Variants in DIP2B observed in about 807,000 individuals in gnomAD.
DIP2B encodes DIP2 acetate--CoA ligase B (putative), also known as disco-interacting protein 2 homolog B.
A neutral mutation model predicts 198.0 loss-of-function variants in DIP2B; 76 were observed. The ratio of observed to expected loss-of-function variants is 0.38; its 90% CI spans 0.32 to 0.46. The LOEUF is 0.46. Among genes scored for constraint, DIP2B ranks in the 20% least tolerant of loss-of-function variants. DIP2B has a pLI of 0.99. For synonymous variants in DIP2B, 701 were observed against 739.1 expected (o/e 0.95, Z 0.84); for missense variants, 1,559 against 1,978.4 (o/e 0.79, Z 4.02).
At chr12:50,631,522 G>A (rs1009153346) in intron 2 of DIP2B, among the ~76,000 whole-genome samples, 1 of 151,994 alleles carries the variant, frequency 6.6e-6, no homozygotes, top group East Asian at 1.9e-4. Flanking sequence ...ACCGTGCCCG[G>A]CCCTGATTCA....
intron 1 of DIP2B, among the ~76,000 whole-genome samples, chr12:50,572,911 C>A (rs1297369807): frequency 1.3e-5 from 2 of 152,196 alleles, no homozygotes; most frequent in Non-Finnish European, 2.9e-5. Context: ...CAGATCTGAG[C>A]AGCTCTAGGA....
intron 1 of DIP2B, among the ~76,000 whole-genome samples, chr12:50,606,614 CA>C (rs1239789365): frequency 2.6e-5 from 4 of 152,022 alleles, no homozygotes; most frequent in Non-Finnish European, 5.9e-5. Flanking sequence ...TCACTCATTC[CA>C]AAAAGGCATA....
chr12:50,640,654 C>T, intron 2 of DIP2B, 70 bp from the exon 3 acceptor site: 13 of 1,558,160 alleles, frequency 8.3e-6, no homozygotes, highest in Non-Finnish European at 1.1e-5. Flanking sequence ...TGTGAGAATG[C>T]TTAAAGTGCT....
chr12:50,694,625 G>T (rs1320602854), intron 14 of DIP2B, among the ~76,000 whole-genome samples: 1 of 149,540 alleles, frequency 6.7e-6, no homozygotes, highest in Non-Finnish European at 1.5e-5. Context: ...TTGGAGGCCA[G>T]CCTGGGCAAC....
intron 1 of DIP2B, among the ~76,000 whole-genome samples, chr12:50,603,949 T>C (rs1287724046): frequency 6.6e-6 from 1 of 152,104 alleles, no homozygotes; most frequent in Non-Finnish European, 1.5e-5. Context: ...ATGGCCTGGT[T>C]CCAGGCCTTG....
rs958895365 is a variant in DIP2B at position 50,695,457 on chromosome 12, T to G, written c.1813+97T>G. On this transcript the variant is annotated intron_variant, in intron 15 of 37. Coordinates refer to ENST00000301180, the MANE Select transcript of DIP2B (RefSeq NM_173602.3). ...TTCAAATTGCCCTTGTATGCCCCTG[T>G]CCCTTAACAAATTGTAGAGTTTAGT... 112 of 1,131,058 alleles carry G rather than the reference T, an allele frequency of 9.9e-5. No homozygotes were observed. The African/African-American group carries it at 1.6e-3, about 16-fold the overall frequency. 70.1% of individuals were successfully genotyped at this position (1,131,058 alleles called of 1,614,324 possible). A position where few individuals can be genotyped will look rare whatever the true frequency, so the allele number is the denominator to read the frequency against.
intron 34 of DIP2B, 150 bp downstream of exon 34, chr12:50,735,280 T>A (rs1940116751): frequency 1.3e-6 from 1 of 783,874 alleles, no homozygotes; most frequent in South Asian, 1.7e-5. Flanking sequence ...ACTTTCAAAT[T>A]CATATGGGTA....
At position 50,735,089 on chromosome 12, in the gene DIP2B, C is replaced by T. The variant is rs758508881; in HGVS notation, c.4060C>T (p.Arg1354Cys). ...CTTCTGCAGGGTTCGTCTCGTGGAA[C>T]GTGGCGCCCCTCAGAGTTTGCTTCT... ...LRHDRVRLVE[R>C]GAPQSLLLSE... The change falls in exon 34 of 38, where the codon CGT (arginine) becomes TGT (cysteine). Residue 1354 changes from arginine to cysteine, a missense_variant. Physicochemically the swap from Arg to Cys is radical, Grantham distance 180 (BLOSUM62 -3). Transcript: ENST00000301180. 3 of 1,613,988 alleles carry T rather than the reference C, an allele frequency of 1.9e-6. No homozygotes were observed. Among genetic ancestry groups the T allele is most frequent in the Non-Finnish European group, 2.5e-6 (3 of 1,180,034 alleles).
Position 50,706,644 on chromosome 12 carries a change from TAA to T in DIP2B, c.2515_2516del (p.Lys839AspfsTer4). ...GCTACTGGATTGGCTGTAGAATCAA[TAA>T]AGACTGTTTATAGAGGAAGGTGAGT... is the stretch of plus-strand genomic sequence containing the variant. On this transcript the variant is annotated frameshift_variant, in exon 21 of 38. Transcript: ENST00000301180. LOFTEE classifies it high-confidence loss of function. 4.3e-6 allele frequency: 7 copies of T among 1,614,066 alleles called. No individual in the cohort carries two copies. The highest frequency in any genetic ancestry group is 5.9e-6 in the Non-Finnish European group (7 of 1,179,968).
At chr12:50,545,275 TC>T in intron 1 of DIP2B, among the ~76,000 whole-genome samples, 1 of 152,176 alleles carries the variant, frequency 6.6e-6, no homozygotes, top group Admixed American at 6.6e-5. Flanking sequence ...TTCCATTTCT[TC>T]CTGTACTTAC....
At position 50,714,378 on chromosome 12, in the gene DIP2B, T is replaced by C; in HGVS notation, c.2650-17T>C. On this transcript the variant is annotated splice_polypyrimidine_tract_variant and intron_variant, in intron 22 of 37. Coordinates refer to ENST00000301180, the MANE Select transcript of DIP2B (RefSeq NM_173602.3). Reference sequence around the variant, plus strand: ...TAGAAGTGATCTCACTGAGTATTTTTGTTTGTATTTTTCTAGGCGATCGAT... The same window carrying C: ...TAGAAGTGATCTCACTGAGTATTTTCGTTTGTATTTTTCTAGGCGATCGAT... 6.2e-7 allele frequency: 1 copy of C among 1,614,132 alleles called. No homozygotes were observed.
chr12:50,533,322 T>C (rs1377598728), intron 1 of DIP2B, among the ~76,000 whole-genome samples: 1 of 152,210 alleles, frequency 6.6e-6, no homozygotes, highest in African/African-American at 2.4e-5. Flanking sequence ...TAGTCTTCAG[T>C]TGAAATTAAA....
At chr12:50,659,676 A>G (rs147311933) in intron 3 of DIP2B, among the ~76,000 whole-genome samples, 82 of 152,278 alleles carry the variant, frequency 5.4e-4, no homozygotes, top group African/African-American at 1.9e-3. Context: ...ATCTGCCCTT[A>G]TGTTTTTCTA....
At chr12:50,538,969 G>A (rs1178499332) in intron 1 of DIP2B, among the ~76,000 whole-genome samples, 1 of 151,862 alleles carries the variant, frequency 6.6e-6, no homozygotes, top group East Asian at 1.9e-4. Context: ...ACTTTAAATT[G>A]TCATTTTTCT....
At chr12:50,744,177 T>C (rs1359407767) in intron 37 of DIP2B, among the ~76,000 whole-genome samples, 2 of 152,162 alleles carry the variant, frequency 1.3e-5, no homozygotes, top group Non-Finnish European at 2.9e-5. Flanking sequence ...AATTTTTGTA[T>C]TTTTAGTAGA....
intron 17 of DIP2B, 90 bp from the exon 18 acceptor site, chr12:50,698,238 T>C: frequency 6.8e-7 from 1 of 1,481,474 alleles, no homozygotes; most frequent in Non-Finnish European, 9.0e-7. Flanking sequence ...TTTTTGGTAT[T>C]GTAGCCAGAG....
intron 1 of DIP2B, among the ~76,000 whole-genome samples, chr12:50,621,247 A>G (rs1378566661): frequency 6.6e-6 from 1 of 152,212 alleles, no homozygotes; most frequent in Non-Finnish European, 1.5e-5. Flanking sequence ...TAAGGGATGT[A>G]TCTATATCTG....
rs369720909 is a variant in DIP2B, at chr12:50,517,979, C to T, written c.100+12739C>T. Among the ~76,000 whole-genome samples the T allele has an allele frequency of 3.9e-5, 6 of 152,296 alleles. No individual in the cohort carries two copies. In the East Asian group the frequency reaches 9.7e-4, roughly 25 times the overall value. The stretch of plus-strand genomic sequence containing the variant: ...ATTGAGAGCTTATGATGTAATAGGT[C>T]CTGTGCTTAGCACTTCATATACCTT... On this transcript the variant is annotated intron_variant, in intron 1 of 37. Coordinates refer to ENST00000301180, the MANE Select transcript of DIP2B (RefSeq NM_173602.3).
Position 50,663,065 on chromosome 12 carries a change from C to T in DIP2B, c.427+2746C>T, listed in dbSNP as rs1289265983. Among the ~76,000 whole-genome samples the T allele has an allele frequency of 2.0e-5, 3 of 152,096 alleles. 1 individual carries two copies. On this transcript the variant is annotated intron_variant, in intron 4 of 37. Coordinates refer to ENST00000301180, the MANE Select transcript of DIP2B (RefSeq NM_173602.3). ...CAGAGGTCGCAGTGAGCCGAGATCG[C>T]GCCATTCAGTCCAGCCTGGGTGACA... is the stretch of plus-strand genomic sequence containing the variant.
Sources: allele counts gnomAD v4.1 joint callset (sites outside exome capture counted in the v4.1 genomes callset), GRCh38; gene constraint gnomAD v4.1.1; transcripts MANE v1.5; gene names NCBI Gene and HGNC (gene_info 2026-07-23, HGNC 2026-07-21).